Variants in GALNT2 observed in about 807,000 individuals in gnomAD.
GALNT2 encodes the protein UDP-GalNAc:polypeptide N-acetylgalactosaminyltransferase 2.
GALNT2 carries 31 observed loss-of-function variants against 81.4 expected under a neutral mutation model. The ratio of observed to expected loss-of-function variants is 0.38; its 90% CI spans 0.29 to 0.51. GALNT2 has a LOEUF of 0.51. Ranked by LOEUF, GALNT2 falls within the 20% of genes least tolerant of loss-of-function variation. The pLI is 0.87. For synonymous variants in GALNT2, 303 were observed against 287.4 expected, an observed-to-expected ratio of 1.05 and a Z score of -0.55; for missense variants, 629 against 765.7, an observed-to-expected ratio of 0.82 and a Z score of 2.11.
chr1:230,170,756 G>A (rs1183216787), intron 1 of GALNT2, among the ~76,000 whole-genome samples: 1 of 152,198 alleles, frequency 6.6e-6, no homozygotes, highest in Non-Finnish European at 1.5e-5. Context: ...CATGGCAAGA[G>A]AGTGAGCAAG....
intron 2 of GALNT2, among the ~76,000 whole-genome samples, chr1:230,179,497 A>G (rs1663091608): frequency 6.6e-6 from 1 of 152,180 alleles, no homozygotes; most frequent in Non-Finnish European, 1.5e-5. Flanking sequence ...GGCCACTCTA[A>G]TAGGTGTGGA....
At chr1:230,127,682 T>C (rs1189725624) in intron 1 of GALNT2, among the ~76,000 whole-genome samples, 1 of 152,098 alleles carries the variant, frequency 6.6e-6, no homozygotes, top group African/African-American at 2.4e-5. Flanking sequence ...CGAGGGTTTT[T>C]TTTTTTAATT....
chr1:230,144,984 C>G (rs962507329), intron 1 of GALNT2, among the ~76,000 whole-genome samples: 4 of 152,148 alleles, frequency 2.6e-5, no homozygotes, highest in African/African-American at 9.7e-5. Flanking sequence ...TCAGGCTCCT[C>G]TCTTGCTTGG....
intron 6 of GALNT2, among the ~76,000 whole-genome samples, chr1:230,237,984 C>T (rs374714272): frequency 5.0e-4 from 76 of 152,252 alleles, no homozygotes; most frequent in African/African-American, 1.6e-3. Context: ...ATTAACTTTC[C>T]GCTAGAATGT....
intron 2 of GALNT2, among the ~76,000 whole-genome samples, chr1:230,200,504 G>A (rs187767522): frequency 2.6e-4 from 39 of 152,336 alleles, no homozygotes; most frequent in African/African-American, 8.9e-4. Context: ...AGTATGCACC[G>A]CAGGCCAGGG....
chr1:230,243,236 C>T lies in GALNT2; in HGVS notation c.608-70C>T, dbSNP rs371910074. The stretch of plus-strand genomic sequence containing the variant: ...AGAGCTGCGGGCAGGGAGGCGTCGC[C>T]GGTTGGCATGGGGTTGTGCTGGCCC... On this transcript the variant is annotated intron_variant, in intron 6 of 15. Coordinates refer to ENST00000366672, the MANE Select transcript of GALNT2 (RefSeq NM_004481.5). The surrounding 1 kb of genome is among the most constrained non-coding windows in gnomAD (Gnocchi z 4.2). 3.1e-5 allele frequency: 47 copies of T among 1,498,680 alleles called. No individual in the cohort carries two copies. Among genetic ancestry groups the T allele is most frequent in the East Asian group, 2.7e-4 (11 of 41,020 alleles). The allele number at this position is 1,498,680 out of a possible 1,614,324, so 92.8% of individuals were successfully genotyped here.
intron 3 of GALNT2, among the ~76,000 whole-genome samples, chr1:230,209,452 C>T (rs1407947383): frequency 2.0e-5 from 3 of 152,166 alleles, no homozygotes; most frequent in Admixed American, 1.3e-4. Context: ...CACAGCAGAA[C>T]AGGGCCACCT....
At chr1:230,088,833 G>A (rs567151382) in intron 1 of GALNT2, among the ~76,000 whole-genome samples, 21 of 151,552 alleles carry the variant, frequency 1.4e-4, no homozygotes, top group Middle Eastern at 3.4e-3. Context: ...CACCGCGCCC[G>A]GCCACTTCTG....
chr1:230,259,689 C>CCGACT (rs1281286088), intron 11 of GALNT2: 3 of 152,206 alleles, frequency 2.0e-5, no homozygotes, highest in Non-Finnish European at 4.4e-5. Context: ...CTTGTGCCTG[C>CCGACT]CGAGTCTGCT....
At chr1:230,141,002 G>C (rs919283850) in intron 1 of GALNT2, among the ~76,000 whole-genome samples, 2 of 152,104 alleles carry the variant, frequency 1.3e-5, no homozygotes, top group Non-Finnish European at 2.9e-5. Context: ...TCCAGCATTC[G>C]TTGCAAATGT....
In GALNT2 at chr1:230,243,327, G is replaced by A. The variant is rs376870425; in HGVS notation, c.629G>A (p.Arg210Gln). The A allele has an allele frequency of 6.2e-6, 10 of 1,606,866 alleles. No homozygotes were observed. Among genetic ancestry groups the A allele is most frequent in the East Asian group, 2.2e-5 (1 of 44,666 alleles). The change falls in exon 7 of 16, where the codon CGG (arginine) becomes CAG (glutamine). Residue 210 changes from arginine to glutamine, a missense_variant. Arg to Gln is a conservative substitution (Grantham distance 43). This residue lies in a region of GALNT2 where 360 missense variants were observed against 492.8 expected (regional missense o/e 0.73). Transcript: ENST00000366672. This position sits in a 1 kb window ranked among gnomAD's most constrained non-coding sequence, Gnocchi z 4.2. ...RREGLMRSRV[R>Q]GADAAQAKVL... ...GCAGGCCTCATGCGCTCACGGGTTC[G>A]GGGGGCCGATGCTGCCCAAGCCAAG...
At chr1:230,274,421 C>G in intron 14 of GALNT2, 24 bp from the exon 15 acceptor site, 1 of 1,612,286 alleles carries the variant, frequency 6.2e-7, no homozygotes, top group Non-Finnish European at 8.5e-7. Flanking sequence ...TAGCACGCCT[C>G]TGACTTCTGG....
chr1:230,198,054 C>T (rs1054187322), intron 2 of GALNT2, among the ~76,000 whole-genome samples: 2 of 152,214 alleles, frequency 1.3e-5, no homozygotes, highest in Non-Finnish European at 2.9e-5. Context: ...TGTATCGGCA[C>T]GCAGCGATGA....
intron 3 of GALNT2, among the ~76,000 whole-genome samples, chr1:230,222,031 C>CTCTTTTTTTTTTTTTTTTTTTTTTT (rs1553270493): frequency 6.2e-5 from 6 of 96,120 alleles, no homozygotes; most frequent in Non-Finnish European, 7.5e-5. Context: ...CTGCTTTTCT[C>CTCTTTTTTTTTTTTTTTTTTTTTTT]TTTTTTTTTT....
chr1:230,144,818 A>G lies in GALNT2; in HGVS notation c.127-33400A>G, dbSNP rs531665906. Reference sequence around the variant, plus strand: ...TAAGGGATTTGAAGAGCAACTATAAAGTATTAAAAAGCCTGGGAGTAGGTG... The same window carrying G: ...TAAGGGATTTGAAGAGCAACTATAAGGTATTAAAAAGCCTGGGAGTAGGTG... On this transcript the variant is annotated intron_variant, in intron 1 of 15. Transcript: ENST00000366672. Among the ~76,000 whole-genome samples the G allele has an allele frequency of 3.3e-5, 5 of 152,276 alleles. No homozygotes were observed. In the South Asian group the frequency reaches 1.0e-3, roughly 32 times the overall value.
chr1:230,097,966 T>G (rs1466487689), intron 1 of GALNT2, among the ~76,000 whole-genome samples: 1 of 152,244 alleles, frequency 6.6e-6, no homozygotes, highest in African/African-American at 2.4e-5. Context: ...GAATGTCCTT[T>G]GTAAAGAGAG....
chr1:230,168,184 GGC>G (rs34966440), intron 1 of GALNT2, among the ~76,000 whole-genome samples: 69,096 of 151,866 alleles, frequency 0.45, 18,792 homozygotes, highest in Non-Finnish European at 0.61. Flanking sequence ...TAAAGTGTCG[GGC>G]GCTCAGCTAA....
chr1:230,238,186 A>G (rs533446287), intron 6 of GALNT2, among the ~76,000 whole-genome samples: 1 of 152,254 alleles, frequency 6.6e-6, no homozygotes, highest in Non-Finnish European at 1.5e-5. Context: ...GATCCCATCT[A>G]TGTAAGCATA....
chr1:230,160,437 C>T (rs1662394980), intron 1 of GALNT2, among the ~76,000 whole-genome samples: 1 of 152,150 alleles, frequency 6.6e-6, no homozygotes, highest in Non-Finnish European at 1.5e-5. Flanking sequence ...ATCTCTTCTT[C>T]CTAGCAGAAG....
Sources: allele counts gnomAD v4.1 joint callset (sites outside exome capture counted in the v4.1 genomes callset), GRCh38; gene constraint gnomAD v4.1.1; regional missense constraint gnomAD v4.1.1; non-coding constraint Gnocchi (gnomAD v3.1); transcripts MANE v1.5; gene names NCBI Gene and HGNC (gene_info 2026-07-23, HGNC 2026-07-21).